MECOM: variants seen among roughly 807,000 people sequenced by gnomAD.
MECOM encodes the protein histone-lysine N-methyltransferase MECOM.
MECOM carries 13 observed loss-of-function variants against 116.3 expected under a neutral mutation model. The ratio of observed to expected loss-of-function variants is 0.11; its 90% CI spans 0.07 to 0.18. MECOM has a LOEUF of 0.18. Ranked by LOEUF, MECOM falls within the 10% of genes least tolerant of loss-of-function variation. The pLI is 1.00. For missense variants in MECOM, 1,299 were observed against 1,509.0 expected, an observed-to-expected ratio of 0.86 and a Z score of 2.31; for synonymous variants, 528 against 535.2, an observed-to-expected ratio of 0.99 and a Z score of 0.19.
At chr3:169,638,411 G>A (rs1773072401) in intron 1 of MECOM, among the ~76,000 whole-genome samples, 1 of 152,058 alleles carries the variant, frequency 6.6e-6, no homozygotes, top group African/African-American at 2.4e-5. Context: ...ATGACTGACA[G>A]TATTAGCCCC....
chr3:169,632,605 C>T (rs1772227738), intron 1 of MECOM, among the ~76,000 whole-genome samples: 1 of 152,182 alleles, frequency 6.6e-6, no homozygotes. Context: ...TTTAAAAATT[C>T]CATACTCTCC....
intron 2 of MECOM, among the ~76,000 whole-genome samples, chr3:169,315,613 C>A (rs914608274): frequency 6.6e-6 from 1 of 152,140 alleles, no homozygotes; most frequent in African/African-American, 2.4e-5. Context: ...ATAATAAATT[C>A]ATGGCCATAT....
intron 1 of MECOM, among the ~76,000 whole-genome samples, chr3:169,654,461 GGA>G (rs1350745637): frequency 6.6e-6 from 1 of 152,148 alleles, no homozygotes; most frequent in Non-Finnish European, 1.5e-5. Context: ...CAGATGTACA[GGA>G]CATTACATCT....
At chr3:169,586,778 A>G (rs1765826336) in intron 1 of MECOM, among the ~76,000 whole-genome samples, 1 of 152,232 alleles carries the variant, frequency 6.6e-6, no homozygotes, top group African/African-American at 2.4e-5. Flanking sequence ...CAGTCTGACC[A>G]GATACACAAG....
chr3:169,607,580 C>G (rs183506159), intron 1 of MECOM, among the ~76,000 whole-genome samples: 5 of 152,306 alleles, frequency 3.3e-5, no homozygotes, highest in South Asian at 2.1e-4. Flanking sequence ...GAAGGACTCA[C>G]GTGGAATGAC....
chr3:169,422,267 ATAATG>A (rs1195529400), intron 1 of MECOM, among the ~76,000 whole-genome samples: 1 of 152,100 alleles, frequency 6.6e-6, no homozygotes, highest in East Asian at 1.9e-4. Context: ...AATTAGTGTA[ATAATG>A]AAGAGAAAAC....
intron 1 of MECOM, among the ~76,000 whole-genome samples, chr3:169,422,120 T>A (rs1184932530): frequency 6.6e-6 from 1 of 152,170 alleles, no homozygotes; most frequent in Admixed American, 6.6e-5. Flanking sequence ...GTTACCAGTA[T>A]AAGGCTCATT....
At chr3:169,223,691 A>C (rs1752395980) in intron 2 of MECOM, among the ~76,000 whole-genome samples, 1 of 152,204 alleles carries the variant, frequency 6.6e-6, no homozygotes, top group South Asian at 2.1e-4. Context: ...AATTACAGTT[A>C]TACTATAATA....
At chr3:169,499,152 A>T (rs137877486) in intron 1 of MECOM, among the ~76,000 whole-genome samples, 1 of 151,812 alleles carries the variant, frequency 6.6e-6, no homozygotes, top group Non-Finnish European at 1.5e-5. Context: ...GAAGGAAAGG[A>T]CAGAAGAGAT....
intron 2 of MECOM, among the ~76,000 whole-genome samples, chr3:169,163,181 G>T (rs1035106870): frequency 6.6e-6 from 1 of 152,116 alleles, no homozygotes; most frequent in Admixed American, 6.6e-5. Flanking sequence ...GCTAAGATTG[G>T]ATATGTAGGC....
chr3:169,379,454 G>A (rs1327116851), intron 2 of MECOM, among the ~76,000 whole-genome samples: 1 of 152,014 alleles, frequency 6.6e-6, no homozygotes, highest in Non-Finnish European at 1.5e-5. Context: ...AAACAACTCA[G>A]TTTTGACATA....
chr3:169,471,719 C>T (rs1350633249), intron 1 of MECOM, among the ~76,000 whole-genome samples: 2 of 152,230 alleles, frequency 1.3e-5, no homozygotes, highest in African/African-American at 4.8e-5. Flanking sequence ...CTCCTCATCA[C>T]AATGCCTGGA....
At chr3:169,409,102 A>G (rs1377619891) in intron 1 of MECOM, among the ~76,000 whole-genome samples, 2 of 152,152 alleles carry the variant, frequency 1.3e-5, no homozygotes, top group Admixed American at 1.3e-4. Flanking sequence ...TGCAACAGTG[A>G]GAGAGTCACC....
At chr3:169,537,359 T>C (rs1759507734) in intron 1 of MECOM, among the ~76,000 whole-genome samples, 1 of 152,198 alleles carries the variant, frequency 6.6e-6, no homozygotes, top group Admixed American at 6.5e-5. Flanking sequence ...TTACCATGTA[T>C]TGGGTGGCTA....
chr3:169,089,275 A>T, intron 15 of MECOM, 92 bp from the exon 16 acceptor site: 1 of 914,772 alleles, frequency 1.1e-6, no homozygotes, highest in Non-Finnish European at 1.5e-6. Context: ...ACAACTGACA[A>T]ACTTCATATT....
At position 169,431,427 on chromosome 3, in the gene MECOM, G is replaced by A. The variant is rs145078327; in HGVS notation, c.38-49903C>T. 3.7e-3 allele frequency among the ~76,000 whole-genome samples: 559 copies of A among 152,238 alleles called. 2 individuals carry two copies. Among genetic ancestry groups the A allele is most frequent in the African/African-American group, 0.013 (525 of 41,550 alleles). On this transcript the variant is annotated intron_variant, in intron 1 of 16. Transcript: ENST00000651503. ...GCCTACTGGCTTACCGTTGCTAGTA[G>A]AACATTATCAAAACCGGGGTCTTCC...
chr3:169,093,171 TC>T (rs1720339325), intron 13 of MECOM, 69 bp from the exon 14 acceptor site: 6 of 1,474,000 alleles, frequency 4.1e-6, no homozygotes, highest in African/African-American at 1.4e-5. Flanking sequence ...GGAAACTCAC[TC>T]CTTATGAATT....
chr3:169,399,830 A>G (rs941848679), intron 1 of MECOM, among the ~76,000 whole-genome samples: 1 of 152,198 alleles, frequency 6.6e-6, no homozygotes, highest in African/African-American at 2.4e-5. Context: ...ATTAAAAGAG[A>G]AAAGTAAATT....
intron 7 of MECOM, 89 bp from the exon 8 acceptor site, chr3:169,116,828 C>T: frequency 1.4e-6 from 2 of 1,472,954 alleles, no homozygotes; most frequent in South Asian, 1.4e-5. Flanking sequence ...CTCAAAATTT[C>T]AATTAGGAAG....
Sources: allele counts gnomAD v4.1 joint callset (sites outside exome capture counted in the v4.1 genomes callset), GRCh38; gene constraint gnomAD v4.1.1; transcripts MANE v1.5; gene names NCBI Gene and HGNC (gene_info 2026-07-23, HGNC 2026-07-21).